Variants in DOCK5 observed in about 807,000 individuals in gnomAD.
The protein encoded by DOCK5 is dedicator of cytokinesis protein 5.
DOCK5 carries 142 observed loss-of-function variants against 251.8 expected under a neutral mutation model. The ratio of observed to expected loss-of-function variants is 0.56; its 90% CI spans 0.49 to 0.65. The LOEUF is 0.65. DOCK5 is among the 30% of genes least tolerant of loss of function. DOCK5 has a pLI of 0.00. For missense variants in DOCK5, 2,111 were observed against 2,312.3 expected, an observed-to-expected ratio of 0.91 and a Z score of 1.79; for synonymous variants, 842 against 835.5, an observed-to-expected ratio of 1.01 and a Z score of -0.13.
intron 5 of DOCK5, among the ~76,000 whole-genome samples, chr8:25,283,922 A>G (rs1804268814): frequency 6.6e-6 from 1 of 152,190 alleles, no homozygotes; most frequent in Non-Finnish European, 1.5e-5. Context: ...TTGGTTGTTC[A>G]GGAAAGGAGG....
intron 16 of DOCK5, among the ~76,000 whole-genome samples, chr8:25,323,460 G>A (rs1805478093): frequency 6.6e-6 from 1 of 152,216 alleles, no homozygotes; most frequent in African/African-American, 2.4e-5. Context: ...GATGCGCTGG[G>A]AAGGTCTTGT....
intron 40 of DOCK5, among the ~76,000 whole-genome samples, chr8:25,383,047 C>T (rs541725873): frequency 3.3e-5 from 5 of 152,308 alleles, no homozygotes; most frequent in East Asian, 1.9e-4. Context: ...TCAGCTGCTA[C>T]GGGTCACGCC....
chr8:25,387,004 A>T (rs939989739), intron 40 of DOCK5, among the ~76,000 whole-genome samples: 6 of 152,198 alleles, frequency 3.9e-5, no homozygotes, highest in Non-Finnish European at 1.5e-5. Flanking sequence ...TCAAAGGCAT[A>T]CTGTAGAATA....
At chr8:25,248,038 A>C (rs968107044) in intron 2 of DOCK5, among the ~76,000 whole-genome samples, 22 of 152,306 alleles carry the variant, frequency 1.4e-4, no homozygotes, top group African/African-American at 5.3e-4. Context: ...CAAGGCGTGA[A>C]GGGGAGGGAG....
At chr8:25,309,517 G>A (rs894179082) in intron 12 of DOCK5, among the ~76,000 whole-genome samples, 4 of 152,022 alleles carry the variant, frequency 2.6e-5, no homozygotes, top group Admixed American at 2.6e-4. Context: ...TCCCAATGTC[G>A]ACCCTAGATA....
chr8:25,379,000 G>A (rs1170221236), intron 38 of DOCK5, among the ~76,000 whole-genome samples: 2 of 152,186 alleles, frequency 1.3e-5, no homozygotes, highest in African/African-American at 2.4e-5. Flanking sequence ...AGGGGAGGGG[G>A]TGTACCAACA....
In DOCK5 at chr8:25,185,016, G is replaced by A. The variant is rs562709239; in HGVS notation, c.43+65G>A. On this transcript the variant is annotated intron_variant, in intron 1 of 51. Transcript: ENST00000276440. ...GGCCAAGTTCGCGGACAGCGGCCCT[G>A]CCAGGTTTGCGCAGAGCCCGGCGGA... 81 of 1,285,834 alleles carry A rather than the reference G, an allele frequency of 6.3e-5. No homozygotes were observed. In the East Asian group the frequency reaches 2.3e-3, roughly 37 times the overall value. 79.7% of individuals were successfully genotyped at this position (1,285,834 alleles called of 1,614,324 possible).
intron 1 of DOCK5, among the ~76,000 whole-genome samples, chr8:25,238,118 G>A (rs1802848177): frequency 6.6e-6 from 1 of 152,240 alleles, no homozygotes; most frequent in South Asian, 2.1e-4. Context: ...AGTCACTGAT[G>A]TGTGTGATGA....
chr8:25,200,388 G>T (rs1801852309), intron 1 of DOCK5, among the ~76,000 whole-genome samples: 1 of 152,168 alleles, frequency 6.6e-6, no homozygotes, highest in Non-Finnish European at 1.5e-5. Flanking sequence ...GATGGATTTA[G>T]TAATTTATAG....
intron 37 of DOCK5, chr8:25,376,134 T>C: frequency 1.0e-6 from 1 of 982,778 alleles, no homozygotes; most frequent in Non-Finnish European, 1.2e-6. Context: ...ACCTACTGTA[T>C]ATAGCTTAGA....
intron 27 of DOCK5, among the ~76,000 whole-genome samples, chr8:25,355,528 C>T (rs967097498): frequency 3.3e-5 from 5 of 152,224 alleles, no homozygotes; most frequent in South Asian, 2.1e-4. Context: ...CGGCTCACTG[C>T]GACCTCCACC....
In DOCK5 at chr8:25,334,036, T is replaced by C. The variant is rs1805742748; in HGVS notation, c.2092-60T>C. Reference sequence around the variant, plus strand: ...AGGCACCGAGATGTTAAAATGCGGCTTGTTGACAGAATACTTGGGATTGTG... The same window carrying C: ...AGGCACCGAGATGTTAAAATGCGGCCTGTTGACAGAATACTTGGGATTGTG... On this transcript the variant is annotated intron_variant, in intron 20 of 51. Coordinates refer to ENST00000276440, the MANE Select transcript of DOCK5 (RefSeq NM_024940.8). The C allele has an allele frequency of 2.9e-5, 38 of 1,318,472 alleles. No individual in the cohort carries two copies. In the South Asian group the frequency reaches 4.2e-4, roughly 14 times the overall value. The allele number at this position is 1,318,472 out of a possible 1,614,324, so 81.7% of individuals were successfully genotyped here. A position where few individuals can be genotyped will look rare whatever the true frequency, so the allele number is the denominator to read the frequency against.
intron 43 of DOCK5, 140 bp downstream of exon 43, chr8:25,392,120 G>A (rs1359426682): frequency 1.4e-5 from 11 of 762,240 alleles, no homozygotes; most frequent in South Asian, 9.3e-5. Flanking sequence ...TGGCTAATAC[G>A]GTGAAACCCC....
intron 28 of DOCK5, among the ~76,000 whole-genome samples, chr8:25,362,462 C>CTTTTTTTTTTTTTTTTTTTTTTTTTTTTT (rs869096662): frequency 2.7e-4 from 15 of 54,632 alleles, no homozygotes; most frequent in African/African-American, 5.2e-4. Context: ...CTTTTCTTTT[C>CTTTTTTTTTTTTTTTTTTTTTTTTTTTTT]TTTTTTTTTT....
intron 36 of DOCK5, 56 bp from the exon 37 acceptor site, chr8:25,374,507 TA>T: frequency 1.3e-6 from 2 of 1,519,610 alleles, no homozygotes; most frequent in Admixed American, 1.9e-5. Context: ...AAAACAGAAC[TA>T]AAAAACCTAT....
chr8:25,389,315 A>T (rs954425276), intron 41 of DOCK5, 83 bp downstream of exon 41: 3 of 1,517,124 alleles, frequency 2.0e-6, no homozygotes, highest in Admixed American at 3.8e-5. Context: ...TAGGAGCTAC[A>T]GTCCCTTCTC....
Position 25,208,506 on chromosome 8 carries a change from G to A in DOCK5, c.43+23555G>A, listed in dbSNP as rs151003732. The stretch of plus-strand genomic sequence containing the variant: ...CAGCAACTGCCACCCTGATCCATGA[G>A]CTGCTATCAATATCAAAGCAAGACC... On this transcript the variant is annotated intron_variant, in intron 1 of 51. Coordinates refer to ENST00000276440, the MANE Select transcript of DOCK5 (RefSeq NM_024940.8). Among the ~76,000 whole-genome samples, 6 of 152,290 alleles carry A rather than the reference G, an allele frequency of 3.9e-5. No individual in the cohort carries two copies. The East Asian group carries it at 1.2e-3, about 29-fold the overall frequency.
At chr8:25,193,576 C>T (rs909543577) in intron 1 of DOCK5, among the ~76,000 whole-genome samples, 1 of 149,692 alleles carries the variant, frequency 6.7e-6, no homozygotes, top group Non-Finnish European at 1.5e-5. Context: ...GCCTGGGCAA[C>T]GTTGTGCAAC....
chr8:25,239,341 A>C (rs139076501), intron 1 of DOCK5, among the ~76,000 whole-genome samples: 6 of 142,204 alleles, frequency 4.2e-5, no homozygotes, highest in Admixed American at 4.2e-4. Context: ...GTGTGTGTGT[A>C]TGTGTGTGTG....
Sources: allele counts gnomAD v4.1 joint callset (sites outside exome capture counted in the v4.1 genomes callset), GRCh38; gene constraint gnomAD v4.1.1; transcripts MANE v1.5; gene names NCBI Gene and HGNC (gene_info 2026-07-23, HGNC 2026-07-21).